HEMK2: variants seen among roughly 807,000 people sequenced by gnomAD.
HEMK2 encodes HemK methyltransferase 2, ETF1 glutamine and histone H4 lysine.
the HEMK2 span, among the ~76,000 whole-genome samples, chr21:28,607,964 T>TAA: frequency 3.9e-5 from 6 of 152,214 alleles, no homozygotes; most frequent in Non-Finnish European, 7.3e-5. Flanking sequence ...TTTTCACAAA[T>TAA]GACTTAACAA....
the HEMK2 span, chr21:28,882,078 ATTAC>A: frequency 9.3e-7 from 1 of 1,076,714 alleles, no homozygotes; most frequent in Admixed American, 2.7e-5. Flanking sequence ...TCAAAAGTTA[ATTAC>A]TTACCAAAGT....
At chr21:28,859,097 A>G in the HEMK2 span, among the ~76,000 whole-genome samples, 1 of 152,196 alleles carries the variant, frequency 6.6e-6, no homozygotes, top group African/African-American at 2.4e-5. Flanking sequence ...GTTGTTTGTT[A>G]TTTCTACCTA....
the HEMK2 span, among the ~76,000 whole-genome samples, chr21:28,634,624 T>C: frequency 6.6e-6 from 1 of 152,192 alleles, no homozygotes; most frequent in Non-Finnish European, 1.5e-5. Flanking sequence ...ACAGGGCTTA[T>C]GAAAACAGAC....
chr21:28,863,356 C>CGGCTTA, the HEMK2 span, among the ~76,000 whole-genome samples: 1 of 141,304 alleles, frequency 7.1e-6, no homozygotes, highest in African/African-American at 2.7e-5. Context: ...AGCCTGCAGA[C>CGGCTTA]GGCTTATTGT....
the HEMK2 span, among the ~76,000 whole-genome samples, chr21:28,857,863 T>C: frequency 6.6e-6 from 1 of 152,230 alleles, no homozygotes; most frequent in South Asian, 2.1e-4. Context: ...CACAAAGCTA[T>C]ATATGTTCTA....
At chr21:28,751,757 G>A in the HEMK2 span, among the ~76,000 whole-genome samples, 3 of 152,168 alleles carry the variant, frequency 2.0e-5, no homozygotes, top group Admixed American at 6.5e-5. Context: ...TCGGCTCACC[G>A]CAACCTCTGC....
chr21:28,661,878 G>A, the HEMK2 span, among the ~76,000 whole-genome samples: 1 of 152,160 alleles, frequency 6.6e-6, no homozygotes, highest in Non-Finnish European at 1.5e-5. Flanking sequence ...TAACCAAAGT[G>A]AGTAGAAGCT....
At chr21:28,609,762 A>AAAATGCACT in the HEMK2 span, among the ~76,000 whole-genome samples, 73 of 152,296 alleles carry the variant, frequency 4.8e-4, no homozygotes, top group Non-Finnish European at 8.8e-4. Context: ...AGAGAAATGT[A>AAAATGCACT]AAATGCACTG....
At chr21:28,661,665 T>TC in the HEMK2 span, among the ~76,000 whole-genome samples, 1,442 of 152,176 alleles carry the variant, frequency 9.5e-3, 23 homozygotes, top group African/African-American at 0.033. Context: ...ATATTTCCCC[T>TC]CCACCTTAAG....
At chr21:28,643,557 G>A in the HEMK2 span, among the ~76,000 whole-genome samples, 1 of 152,154 alleles carries the variant, frequency 6.6e-6, no homozygotes, top group African/African-American at 2.4e-5. Context: ...ATGCACACCT[G>A]TAGTCCCAGC....
chr21:28,771,524 C>T, the HEMK2 span, among the ~76,000 whole-genome samples: 1 of 142,114 alleles, frequency 7.0e-6, no homozygotes, highest in Non-Finnish European at 1.5e-5. Flanking sequence ...CACCACCCCC[C>T]CCCGCCAAAG....
the HEMK2 span, among the ~76,000 whole-genome samples, chr21:28,765,436 G>A: frequency 6.6e-6 from 1 of 152,124 alleles, no homozygotes; most frequent in African/African-American, 2.4e-5. Context: ...GCTACTAAGT[G>A]TGTGCTAATA....
At chr21:28,587,578 A>C in the HEMK2 span, among the ~76,000 whole-genome samples, 1 of 152,184 alleles carries the variant, frequency 6.6e-6, no homozygotes, top group African/African-American at 2.4e-5. Flanking sequence ...CTTCCTTTCC[A>C]CAAGTTTCCA....
chr21:28,643,415 T>C, the HEMK2 span, among the ~76,000 whole-genome samples: 1 of 151,716 alleles, frequency 6.6e-6, no homozygotes, highest in South Asian at 2.1e-4. Context: ...GTGCAGTGGC[T>C]CATGCCTGTA....
chr21:28,621,197 C>T, the HEMK2 span, among the ~76,000 whole-genome samples: 1 of 152,122 alleles, frequency 6.6e-6, no homozygotes, highest in South Asian at 2.1e-4. Flanking sequence ...CTCCTGTGGG[C>T]ATTTAGTGCT....
chr21:28,842,614 C>T, the HEMK2 span, among the ~76,000 whole-genome samples: 1 of 152,094 alleles, frequency 6.6e-6, no homozygotes, highest in Non-Finnish European at 1.5e-5. Flanking sequence ...AGCCATTACT[C>T]CTTCTCCCCA....
At chr21:28,576,376 T>C in the HEMK2 span, among the ~76,000 whole-genome samples, 1 of 152,342 alleles carries the variant, frequency 6.6e-6, no homozygotes, top group East Asian at 1.9e-4. Context: ...TGGCCATTCA[T>C]AAATTTCTCT....
At chr21:28,724,924 G>A in the HEMK2 span, among the ~76,000 whole-genome samples, 4 of 144,614 alleles carry the variant, frequency 2.8e-5, no homozygotes, top group Admixed American at 6.9e-5. Flanking sequence ...TGGGACTACA[G>A]GTGCACACCA....
At chr21:28,638,552 G>A in the HEMK2 span, among the ~76,000 whole-genome samples, 118 of 152,280 alleles carry the variant, frequency 7.7e-4, no homozygotes, top group Non-Finnish European at 1.8e-4. Flanking sequence ...TTTTAGTGGC[G>A]TATGAGTTGG....
Sources: gnomAD v4.1 joint callset for allele counts (sites outside exome capture counted in the v4.1 genomes callset) on GRCh38, gnomAD v4.1.1 for gene constraint, MANE v1.5 for transcripts, NCBI Gene and HGNC (gene_info 2026-07-23, HGNC 2026-07-21) for gene names.